CTF1: variants seen among roughly 807,000 people sequenced by gnomAD.
CTF1 encodes the protein cardiotrophin-1.
A neutral mutation model predicts 10.9 loss-of-function variants in CTF1; 9 were observed. The observed-to-expected ratio is 0.83, with a 90% CI of 0.50 to 1.44. CTF1 has a LOEUF of 1.44. CTF1 is among the 40% of genes most tolerant of loss of function. The pLI, the probability that CTF1 is intolerant of heterozygous loss-of-function variation, is 0.00. For synonymous variants in CTF1, 133 were observed against 138.8 expected, an observed-to-expected ratio of 0.96 and a Z score of 0.29; for missense variants, 259 against 275.3, an observed-to-expected ratio of 0.94 and a Z score of 0.42.
intron 1 of CTF1, among the ~76,000 whole-genome samples, chr16:30,899,017 C>G (rs2055377955): frequency 6.6e-6 from 1 of 152,184 alleles, no homozygotes; most frequent in Non-Finnish European, 1.5e-5. Flanking sequence ...TGTACTGTAA[C>G]ATGCTGTCCA....
upstream of CTF1, chr16:30,896,603 A>T: frequency 1.6e-6 from 2 of 1,253,176 alleles, no homozygotes; most frequent in Non-Finnish European, 2.0e-6. Flanking sequence ...CCCCCCTCGA[A>T]AGGGGGGCGT....
chr16:30,896,918 G>A (rs2055356956), intron 1 of CTF1, among the ~76,000 whole-genome samples: 2 of 152,096 alleles, frequency 1.3e-5, no homozygotes, highest in Non-Finnish European at 2.9e-5. Context: ...TCACCGGTTC[G>A]AGTACACCCA....
In CTF1 at chr16:30,903,375, C is replaced by T. The variant is rs2055425498; in HGVS notation, c.*836C>T. ...GTCTGCCACACCCCATCCCTTTGGG[C>T]CTCAGCCCTGTCCCTTTGATGTCCT... On this transcript the variant is annotated 3_prime_UTR_variant, in exon 3 of 3. Transcript: ENST00000279804. The T allele has an allele frequency of 6.5e-6, 1 of 154,412 alleles. No homozygotes were observed. The highest frequency in any genetic ancestry group is 2.0e-4 in the South Asian group (1 of 5,026). The allele number at this position is 154,412 out of a possible 1,614,324, so 9.6% of individuals were successfully genotyped here.
chr16:30,902,480 G>T lies in CTF1; in HGVS notation c.547G>T (p.Glu183Ter), dbSNP rs2055413128. 6.8e-7 allele frequency: 1 copy of T among 1,479,016 alleles called. No homozygotes were observed. 91.6% of individuals were successfully genotyped at this position (1,479,016 alleles called of 1,614,324 possible). ...GCTCCGCGTTTGCGGCCTCTACCGC[G>T]AGTGGCTGAGCCGCACCGAGGGCGA... ...LGLRVCGLYR[E>*]WLSRTEGDLG... is the part of the protein sequence containing the mutation. Residue 183 changes from glutamate (E) to a stop codon, truncating the protein, a stop_gained, in exon 3 of 3, where the codon GAG (glutamate) becomes TAG (stop). Coordinates refer to ENST00000279804, the MANE Select transcript of CTF1 (RefSeq NM_001330.5). LOFTEE classifies it high-confidence loss of function.
chr16:30,896,567 C>T, upstream of CTF1: 1 of 1,224,768 alleles, frequency 8.2e-7, no homozygotes, highest in Middle Eastern at 2.4e-4. Flanking sequence ...GCGCCCGGGC[C>T]ACGCCCCCAG....
Position 30,902,991 on chromosome 16 carries a change from T to TG in CTF1, c.*453dup, listed in dbSNP as rs1266128201. 1 of 154,560 alleles carries TG rather than the reference T, an allele frequency of 6.5e-6. No homozygotes were observed. Among genetic ancestry groups the TG allele is most frequent in the African/African-American group, 2.4e-5 (1 of 41,486 alleles). The allele number at this position is 154,560 out of a possible 1,614,324, so 9.6% of individuals were successfully genotyped here. On this transcript the variant is annotated 3_prime_UTR_variant, in exon 3 of 3. Coordinates refer to ENST00000279804, the MANE Select transcript of CTF1 (RefSeq NM_001330.5). Reference sequence around the variant, plus strand: ...TTTCCCAGCCTCTCTTTGCTTTGCCTGCCCCGTTCTCTTAACTCTTGGACC... The same window carrying TG: ...TTTCCCAGCCTCTCTTTGCTTTGCCTGGCCCCGTTCTCTTAACTCTTGGACC...
chr16:30,900,481 G>C (rs1265170561), intron 2 of CTF1, among the ~76,000 whole-genome samples: 1 of 152,112 alleles, frequency 6.6e-6, no homozygotes, highest in African/African-American at 2.4e-5. Flanking sequence ...AACTAGCTTT[G>C]GGCTGGGTGC....
At position 30,903,025 on chromosome 16, in the gene CTF1, C is replaced by G. The variant is rs893876736; in HGVS notation, c.*486C>G. 2.1e-4 allele frequency: 32 copies of G among 153,022 alleles called. No individual in the cohort carries two copies. Among genetic ancestry groups the G allele is most frequent in the African/African-American group, 7.7e-4 (32 of 41,456 alleles). 9.5% of individuals were successfully genotyped at this position (153,022 alleles called of 1,614,324 possible). Reference sequence around the variant, plus strand: ...CTCTTAACTCTTGGACCCTCCTCGTCTGCATGGTAACTCCGTCTGAGTCTA... The same window carrying G: ...CTCTTAACTCTTGGACCCTCCTCGTGTGCATGGTAACTCCGTCTGAGTCTA... On this transcript the variant is annotated 3_prime_UTR_variant, in exon 3 of 3. Coordinates refer to ENST00000279804, the MANE Select transcript of CTF1 (RefSeq NM_001330.5).
intron 1 of CTF1, 118 bp from the exon 2 acceptor site, chr16:30,899,297 T>C: frequency 1.3e-6 from 1 of 794,246 alleles, no homozygotes; most frequent in South Asian, 1.3e-5. Context: ...GGTGCCTCAT[T>C]TTCCTTCAGT....
Position 30,896,895 on chromosome 16 carries a change from C to T in CTF1, c.25+227C>T, listed in dbSNP as rs967074178. 2.6e-5 allele frequency among the ~76,000 whole-genome samples: 4 copies of T among 152,120 alleles called. No homozygotes were observed. The East Asian group carries it at 5.8e-4, about 22-fold the overall frequency. On this transcript the variant is annotated intron_variant, in intron 1 of 2. Coordinates refer to ENST00000279804, the MANE Select transcript of CTF1 (RefSeq NM_001330.5). ...GGGGCTGAGGTTTCAGGGACCTGGG[C>T]TCAGGGCTTAGATCACCGGTTCGAG...
chr16:30,899,615 T>C, intron 2 of CTF1, 82 bp downstream of exon 2: 1 of 837,526 alleles, frequency 1.2e-6, no homozygotes, highest in Non-Finnish European at 1.9e-6. Context: ...ACCCATTCTC[T>C]CAACCTCATT....
At chr16:30,901,766 T>TC (rs34511901) in intron 2 of CTF1, among the ~76,000 whole-genome samples, 4 of 138,144 alleles carry the variant, frequency 2.9e-5, no homozygotes, top group African/African-American at 1.2e-4. Context: ...TTTTTTTTTT[T>TC]AGAGCTGTGG....
At chr16:30,896,939 T>C (rs2055357225) in intron 1 of CTF1, among the ~76,000 whole-genome samples, 1 of 150,602 alleles carries the variant, frequency 6.6e-6, no homozygotes, top group South Asian at 2.1e-4. Context: ...GGGGGAGGAC[T>C]GGGGTCGGGG....
chr16:30,902,214 T>TGGCCGCGCTGCCCCC lies in CTF1; in HGVS notation c.283_297dup (p.Ala95_Pro99dup), dbSNP rs1419475331. 8 of 1,159,562 alleles carry TGGCCGCGCTGCCCCC rather than the reference T, an allele frequency of 6.9e-6. No individual in the cohort carries two copies. Among genetic ancestry groups the TGGCCGCGCTGCCCCC allele is most frequent in the Non-Finnish European group, 7.4e-6 (7 of 943,780 alleles). The allele number at this position is 1,159,562 out of a possible 1,614,324, so 71.8% of individuals were successfully genotyped here. On this transcript the variant is annotated inframe_insertion, in exon 3 of 3. Transcript: ENST00000279804. Reference sequence around the variant, plus strand: ...CGGCTGCGGCTGGACGCGGCGGCGCTGGCCGCGCTGCCCCCGCTGCTGGAC... The same window carrying TGGCCGCGCTGCCCCC: ...CGGCTGCGGCTGGACGCGGCGGCGCTGGCCGCGCTGCCCCCGGCCGCGCTGCCCCCGCTGCTGGAC...
upstream of CTF1, among the ~76,000 whole-genome samples, chr16:30,896,449 C>T (rs2055349423): frequency 6.6e-6 from 1 of 152,210 alleles, no homozygotes; most frequent in South Asian, 2.1e-4. Context: ...CCCTCGGGCC[C>T]CTTCCCCCAC....
chr16:30,897,632 G>A (rs2055365552), intron 1 of CTF1, among the ~76,000 whole-genome samples: 2 of 152,114 alleles, frequency 1.3e-5, no homozygotes, highest in Admixed American at 1.3e-4. Flanking sequence ...AGACAATGGA[G>A]GTCCCATAAG....
In CTF1 at chr16:30,899,430, ATTCCTCAGTCTCACTTC is replaced by A. The variant is rs1337445495; in HGVS notation, c.46_62del (p.Ser16ProfsTer21). ...TTCCCACCAGAAGACCCCCAGACTG[ATTCCTCAGTCTCACTTC>A]TTCCCCACTTGGAGGCCAAGATCCG... On this transcript the variant is annotated frameshift_variant, in exon 2 of 3. Coordinates refer to ENST00000279804, the MANE Select transcript of CTF1 (RefSeq NM_001330.5). LOFTEE classifies it high-confidence loss of function. 6.2e-7 allele frequency: 1 copy of A among 1,612,716 alleles called. No homozygotes were observed. The highest frequency in any genetic ancestry group is 8.5e-7 in the Non-Finnish European group (1 of 1,178,900).
At chr16:30,899,962 A>T (rs2055387810) in intron 2 of CTF1, among the ~76,000 whole-genome samples, 1 of 152,172 alleles carries the variant, frequency 6.6e-6, no homozygotes, top group Non-Finnish European at 1.5e-5. Flanking sequence ...TGTATTGCCC[A>T]GGCTGGTCTT....
rs1473163136 is a variant in CTF1 at position 30,902,518 on chromosome 16, GC to G, written c.586del (p.Leu196CysfsTer114). On this transcript the variant is annotated frameshift_variant, in exon 3 of 3. Coordinates refer to ENST00000279804, the MANE Select transcript of CTF1 (RefSeq NM_001330.5). LOFTEE classifies it high-confidence loss of function. ...GCACCGAGGGCGACCTGGGCCAGCT[GC>G]TGCCCGGGGGCTCGGCCTGAGCGCC... Reference protein sequence around the residue: ...SRTEGDLGQLLPGGSA With the variant: ...SRTEGDLGQLXPGGSA The G allele has an allele frequency of 1.3e-6, 2 of 1,495,442 alleles. No individual in the cohort carries two copies. The highest frequency in any genetic ancestry group is 2.9e-5 in the African/African-American group (2 of 69,172). 92.6% of individuals were successfully genotyped at this position (1,495,442 alleles called of 1,614,324 possible). A position where few individuals can be genotyped will look rare whatever the true frequency, so the allele number is the denominator to read the frequency against.
Sources: gnomAD v4.1 joint callset for allele counts (sites outside exome capture counted in the v4.1 genomes callset) on GRCh38, gnomAD v4.1.1 for gene constraint, MANE v1.5 for transcripts, NCBI Gene and HGNC (gene_info 2026-07-23, HGNC 2026-07-21) for gene names.